SLX4IP: variants seen among roughly 807,000 people sequenced by gnomAD.
SLX4IP encodes SLX4 interacting protein.
SLX4IP carries 34 observed loss-of-function variants against 32.9 expected under a neutral mutation model. That is an observed-to-expected ratio of 1.03 (90% CI 0.79 to 1.38). SLX4IP has a LOEUF of 1.38. Among genes scored for constraint, SLX4IP ranks in the 40% most tolerant of loss-of-function variants. The pLI is 0.00. For missense variants in SLX4IP, 444 were observed against 479.0 expected (o/e 0.93, Z 0.68); for synonymous variants, 172 against 171.7 (o/e 1.00, Z -0.01).
At chr20:10,587,224 T>G (rs888747442) in intron 4 of SLX4IP, among the ~76,000 whole-genome samples, 1 of 151,916 alleles carries the variant, frequency 6.6e-6, no homozygotes, top group Non-Finnish European at 1.5e-5. Flanking sequence ...TAAAAGTCAA[T>G]TTGTAATATT....
chr20:10,533,213 A>G (rs1277416671), intron 2 of SLX4IP, among the ~76,000 whole-genome samples: 1 of 152,178 alleles, frequency 6.6e-6, no homozygotes, highest in African/African-American at 2.4e-5. Flanking sequence ...TTTAAGGTAA[A>G]TCACTCTGGT....
chr20:10,442,074 A>G (rs2065163905), intron 1 of SLX4IP, among the ~76,000 whole-genome samples: 1 of 152,216 alleles, frequency 6.6e-6, no homozygotes, highest in South Asian at 2.1e-4. Flanking sequence ...TTAAGATGAT[A>G]GAAAGAAGCA....
chr20:10,454,134 A>C (rs755257716), intron 1 of SLX4IP, among the ~76,000 whole-genome samples: 1 of 151,876 alleles, frequency 6.6e-6, no homozygotes, highest in Non-Finnish European at 1.5e-5. Flanking sequence ...GTTTTCTTTC[A>C]TAATTTAATC....
chr20:10,463,837 A>G (rs1174758251), intron 2 of SLX4IP, among the ~76,000 whole-genome samples: 2 of 152,164 alleles, frequency 1.3e-5, no homozygotes, highest in East Asian at 1.9e-4. Context: ...GCTGGAATGC[A>G]GTGGCACAGT....
At chr20:10,463,114 C>G (rs2065351792) in intron 2 of SLX4IP, among the ~76,000 whole-genome samples, 1 of 152,172 alleles carries the variant, frequency 6.6e-6, no homozygotes, top group Admixed American at 6.5e-5. Context: ...CCTTAATACC[C>G]TCTTCGTTGG....
At chr20:10,458,091 C>G in intron 1 of SLX4IP, 85 bp from the exon 2 acceptor site, 1 of 768,856 alleles carries the variant, frequency 1.3e-6, no homozygotes, top group Non-Finnish European at 2.0e-6. Flanking sequence ...TGATATTTTA[C>G]TATTCAGCCC....
chr20:10,511,275 T>A (rs971543052), intron 2 of SLX4IP, among the ~76,000 whole-genome samples: 2 of 152,210 alleles, frequency 1.3e-5, no homozygotes, highest in African/African-American at 4.8e-5. Flanking sequence ...GCTTTCTTCA[T>A]CATAGTCTCA....
chr20:10,612,212 C>A (rs2066975012), intron 6 of SLX4IP, among the ~76,000 whole-genome samples: 1 of 152,204 alleles, frequency 6.6e-6, no homozygotes, highest in Non-Finnish European at 1.5e-5. Context: ...TCAACACTCT[C>A]CAGTTTCCAA....
chr20:10,536,221 A>T (rs2066042581), intron 2 of SLX4IP, among the ~76,000 whole-genome samples: 1 of 152,304 alleles, frequency 6.6e-6, no homozygotes, highest in East Asian at 1.9e-4. Context: ...AGGAGAGAGG[A>T]TAACTTTAAA....
intron 2 of SLX4IP, among the ~76,000 whole-genome samples, chr20:10,460,980 G>A (rs566972089): frequency 7.2e-4 from 110 of 152,152 alleles, no homozygotes; most frequent in Non-Finnish European, 1.3e-3. Flanking sequence ...TCTTCAATTT[G>A]ATGGCTCAAG....
At chr20:10,438,472 GTTTTTTTTTTTT>G (rs35297842) in intron 1 of SLX4IP, among the ~76,000 whole-genome samples, 3 of 98,854 alleles carry the variant, frequency 3.0e-5, no homozygotes, top group South Asian at 3.6e-4. Flanking sequence ...AGGTGTGTGT[GTTTTTTTTTTTT>G]TTTTTTTTTT....
intron 2 of SLX4IP, among the ~76,000 whole-genome samples, chr20:10,552,397 CT>C (rs1004600159): frequency 6.9e-5 from 10 of 145,214 alleles, no homozygotes; most frequent in African/African-American, 1.0e-4. Flanking sequence ...GCTTTCTTTT[CT>C]TTTTTTTTTC....
intron 4 of SLX4IP, among the ~76,000 whole-genome samples, chr20:10,568,067 T>C (rs191994627): frequency 1.5e-3 from 222 of 152,348 alleles, no homozygotes; most frequent in African/African-American, 5.1e-3. Context: ...TGTAAAAAAC[T>C]TGACTTTCCT....
At chr20:10,562,668 G>A (rs552132348) in intron 4 of SLX4IP, among the ~76,000 whole-genome samples, 3 of 152,260 alleles carry the variant, frequency 2.0e-5, no homozygotes, top group Non-Finnish European at 4.4e-5. Context: ...CAGGGACCCT[G>A]CCCTTCTCTA....
At chr20:10,449,539 A>G (rs1355514544) in intron 1 of SLX4IP, among the ~76,000 whole-genome samples, 3 of 152,188 alleles carry the variant, frequency 2.0e-5, no homozygotes, top group African/African-American at 4.8e-5. Context: ...ACAAGACTCT[A>G]TCTAGCGCTT....
At chr20:10,494,446 T>A (rs372313053) in intron 2 of SLX4IP, among the ~76,000 whole-genome samples, 1 of 151,284 alleles carries the variant, frequency 6.6e-6, no homozygotes, top group East Asian at 1.9e-4. Flanking sequence ...TGCTTTTGAG[T>A]CTGTTATTAA....
intron 2 of SLX4IP, among the ~76,000 whole-genome samples, chr20:10,490,339 G>T (rs2065612131): frequency 6.6e-6 from 1 of 151,980 alleles, no homozygotes; most frequent in Admixed American, 6.6e-5. Flanking sequence ...CCTTCATGCT[G>T]GTTCTGTCTC....
chr20:10,623,431 G>T lies in SLX4IP; in HGVS notation c.*52G>T. 1 of 1,542,514 alleles carries T rather than the reference G, an allele frequency of 6.5e-7. No individual in the cohort carries two copies. The highest frequency in any genetic ancestry group is 8.7e-7 in the Non-Finnish European group (1 of 1,149,754). ...TTGAGGACATAGTGGCCAAACCTGT[G>T]ACAAGAGAGCTGCGAATATAGATGC... is the stretch of plus-strand genomic sequence containing the variant. On this transcript the variant is annotated 3_prime_UTR_variant, in exon 8 of 8. Coordinates refer to ENST00000334534, the MANE Select transcript of SLX4IP (RefSeq NM_001009608.3).
At chr20:10,565,159 C>G (rs1295650303) in intron 4 of SLX4IP, among the ~76,000 whole-genome samples, 1 of 152,142 alleles carries the variant, frequency 6.6e-6, no homozygotes, top group East Asian at 1.9e-4. Flanking sequence ...GCCAGAGTGG[C>G]CTTTTGAAGG....
Sources: allele counts gnomAD v4.1 joint callset (sites outside exome capture counted in the v4.1 genomes callset), GRCh38; gene constraint gnomAD v4.1.1; transcripts MANE v1.5; gene names NCBI Gene and HGNC (gene_info 2026-07-23, HGNC 2026-07-21).